The following SLC25A48 variants were observed in gnomAD, a reference collection of about 807,000 sequenced individuals.
The protein encoded by SLC25A48 is CTC-321K16.1.
A neutral mutation model predicts 32.2 loss-of-function variants in SLC25A48; 29 were observed. The ratio of observed to expected loss-of-function variants is 0.90; its 90% CI spans 0.67 to 1.23. SLC25A48 has a LOEUF of 1.23. Among genes scored for constraint, SLC25A48 ranks in the 50% most tolerant of loss-of-function variants. SLC25A48 has a pLI of 0.00. For missense variants in SLC25A48, 399 were observed against 422.7 expected (o/e 0.94, Z 0.49); for synonymous variants, 164 against 172.3 (o/e 0.95, Z 0.38).
rs568729775 is a variant in SLC25A48 at position 135,717,324 on chromosome 5, G to A, written c.-521+82368G>A. On this transcript the variant is annotated intron_variant, in intron 3 of 10. Coordinates refer to the SLC25A48 transcript ENST00000646290. ...ACCCATGAGCAGATTGTGAGAAATC[G>A]CCACAGGCCACATCTGTGCCCTGCT... Among the ~76,000 whole-genome samples the A allele has an allele frequency of 3.3e-5, 5 of 152,242 alleles. No homozygotes were observed. The East Asian group carries it at 7.7e-4, about 24-fold the overall frequency.
chr5:135,694,278 C>T (rs571139276), intron 3 of SLC25A48, among the ~76,000 whole-genome samples: 1 of 152,300 alleles, frequency 6.6e-6, no homozygotes, highest in South Asian at 2.1e-4. Context: ...GTGTCCCGCC[C>T]ACACAGGCTT....
chr5:135,744,844 C>G (rs1755602589), intron 3 of SLC25A48, among the ~76,000 whole-genome samples: 2 of 151,960 alleles, frequency 1.3e-5, no homozygotes, highest in African/African-American at 4.8e-5. Flanking sequence ...GAGTTCAAGA[C>G]CAGCCTGGCC....
At chr5:135,863,266 A>G (rs1760942518) in intron 4 of SLC25A48, among the ~76,000 whole-genome samples, 1 of 152,240 alleles carries the variant, frequency 6.6e-6, no homozygotes, top group African/African-American at 2.4e-5. Context: ...GGCATGGAGC[A>G]GGTAATCAAT....
chr5:135,678,463 CT>C (rs1753819884), intron 3 of SLC25A48, among the ~76,000 whole-genome samples: 3 of 151,984 alleles, frequency 2.0e-5, no homozygotes, highest in South Asian at 4.1e-4. Flanking sequence ...TTTTAAAATT[CT>C]CTTGTATCTC....
In SLC25A48 at chr5:135,694,453, C is replaced by T. The variant is rs185657804; in HGVS notation, c.-521+59497C>T. Among the ~76,000 whole-genome samples the T allele has an allele frequency of 3.3e-3, 504 of 152,260 alleles. 2 individuals carry two copies. Among genetic ancestry groups the T allele is most frequent in the Non-Finnish European group, 5.6e-3 (382 of 68,022 alleles). ...ACATATTTAGGGATGTAAAATGGCT[C>T]CCCAGAAGCGGCTGCAAACAATAAT... On this transcript the variant is annotated intron_variant, in intron 3 of 10. Transcript: ENST00000646290.
chr5:135,594,178 G>C (rs1208742903), intron 1 of SLC25A48, among the ~76,000 whole-genome samples: 1 of 152,222 alleles, frequency 6.6e-6, no homozygotes, highest in Non-Finnish European at 1.5e-5. Flanking sequence ...TTCAATTTCT[G>C]AGGACCTGAG....
chr5:135,824,842 G>A (rs927292276), intron 4 of SLC25A48: 2 of 152,244 alleles, frequency 1.3e-5, no homozygotes, highest in Non-Finnish European at 2.9e-5. Context: ...CATAGAGGGT[G>A]GGGGGAGCAG....
At chr5:135,645,526 C>T (rs1403976443) in intron 3 of SLC25A48, among the ~76,000 whole-genome samples, 2 of 152,108 alleles carry the variant, frequency 1.3e-5, no homozygotes, top group African/African-American at 2.4e-5. Context: ...TTCGAATTCA[C>T]TCTGAGTTGC....
At position 135,674,804 on chromosome 5, in the gene SLC25A48, T is replaced by A. The variant is rs564549076; in HGVS notation, c.-521+39848T>A. Among the ~76,000 whole-genome samples the A allele has an allele frequency of 3.3e-5, 5 of 152,160 alleles. No individual in the cohort carries two copies. In the South Asian group the frequency reaches 1.0e-3, roughly 32 times the overall value. ...TTGTGAATTGTGAATAGGGCTACAA[T>A]AAACATGCATGTGCATACCTCCCTT... On this transcript the variant is annotated intron_variant, in intron 3 of 10. Coordinates refer to the SLC25A48 transcript ENST00000646290.
chr5:135,644,967 A>G (rs1251401891), intron 3 of SLC25A48, among the ~76,000 whole-genome samples: 1 of 148,426 alleles, frequency 6.7e-6, no homozygotes, highest in Non-Finnish European at 1.5e-5. Context: ...CAAATACAAG[A>G]ACTCTTGTAT....
intron 3 of SLC25A48, among the ~76,000 whole-genome samples, chr5:135,688,576 G>T (rs560026293): frequency 6.6e-6 from 1 of 152,302 alleles, no homozygotes; most frequent in East Asian, 1.9e-4. Flanking sequence ...TTGCTATCCA[G>T]GGAATATTGA....
At chr5:135,726,596 C>T (rs1755096603) in intron 3 of SLC25A48, among the ~76,000 whole-genome samples, 2 of 152,170 alleles carry the variant, frequency 1.3e-5, no homozygotes, top group Admixed American at 1.3e-4. Context: ...GCTTTTCTTA[C>T]TCAGCGTAAT....
At chr5:135,882,049 TCA>T (rs889233213) in intron 7 of SLC25A48, among the ~76,000 whole-genome samples, 1 of 152,236 alleles carries the variant, frequency 6.6e-6, no homozygotes, top group African/African-American at 2.4e-5. Context: ...AGCTACCCAA[TCA>T]CGATTGTCCT....
chr5:135,702,568 A>G (rs1754417939), intron 3 of SLC25A48, among the ~76,000 whole-genome samples: 1 of 152,248 alleles, frequency 6.6e-6, no homozygotes. Flanking sequence ...CTATTGTTTT[A>G]AGCCACAGGC....
chr5:135,617,444 C>T (rs767734192), intron 1 of SLC25A48, among the ~76,000 whole-genome samples: 4 of 151,272 alleles, frequency 2.6e-5, no homozygotes, highest in South Asian at 4.3e-4. Context: ...TTTTTAGTCT[C>T]TATTTTGTTC....
At chr5:135,601,156 G>T (rs1012824256) in intron 1 of SLC25A48, 2 of 152,206 alleles carry the variant, frequency 1.3e-5, no homozygotes, top group African/African-American at 2.4e-5. Context: ...GGGAAGTTCC[G>T]ACTGCTGAGG....
At chr5:135,815,962 T>C (rs1757706761) in intron 4 of SLC25A48, among the ~76,000 whole-genome samples, 1 of 152,230 alleles carries the variant, frequency 6.6e-6, no homozygotes. Flanking sequence ...GACTGGGTAA[T>C]TTATAAACAA....
At chr5:135,735,907 A>AC in intron 3 of SLC25A48, among the ~76,000 whole-genome samples, 1 of 152,256 alleles carries the variant, frequency 6.6e-6, no homozygotes, top group Non-Finnish European at 1.5e-5. Flanking sequence ...AGCTCCAGCC[A>AC]CTCTCTAAGA....
In SLC25A48 at chr5:135,700,383, AAAAAAAAAAAG is replaced by A. The variant is rs1184729223; in HGVS notation, c.-521+65431_-521+65441del. On this transcript the variant is annotated intron_variant, in intron 3 of 10. Coordinates refer to the SLC25A48 transcript ENST00000646290. ...CAAGACTCTGTCTCAAAAAAAAAAA[AAAAAAAAAAAG>A]AAAGAAAGAAAAGAAAATGATATTG... is the stretch of plus-strand genomic sequence containing the variant. 4.6e-5 allele frequency among the ~76,000 whole-genome samples: 7 copies of A among 151,232 alleles called. 1 individual carries two copies. In the South Asian group the frequency reaches 1.5e-3, roughly 32 times the overall value.
Sources: gnomAD v4.1 joint callset for allele counts (sites outside exome capture counted in the v4.1 genomes callset) on GRCh38, gnomAD v4.1.1 for gene constraint, MANE v1.5 for transcripts, NCBI Gene and HGNC (gene_info 2026-07-23, HGNC 2026-07-21) for gene names.